CNTN4: variants seen among roughly 807,000 people sequenced by gnomAD.
CNTN4 encodes the protein contactin-4.
CNTN4 carries 77 observed loss-of-function variants against 122.5 expected under a neutral mutation model. That is an observed-to-expected ratio of 0.63 (90% CI 0.52 to 0.76). CNTN4 has a LOEUF of 0.76. CNTN4 is among the 30% of genes least tolerant of loss of function. The pLI, the probability that CNTN4 is intolerant of heterozygous loss-of-function variation, is 0.00. For missense variants in CNTN4, 1,256 were observed against 1,259.1 expected, an observed-to-expected ratio of 1.00 and a Z score of 0.04; for synonymous variants, 512 against 447.0, an observed-to-expected ratio of 1.15 and a Z score of -1.83.
At chr3:2,759,027 T>G (rs2090466804) in intron 6 of CNTN4, among the ~76,000 whole-genome samples, 1 of 152,222 alleles carries the variant, frequency 6.6e-6, no homozygotes, top group African/African-American at 2.4e-5. Context: ...ACTAATCTAC[T>G]GTCTCTGTGG....
At chr3:2,584,707 A>G (rs1313648939) in intron 4 of CNTN4, among the ~76,000 whole-genome samples, 1 of 149,948 alleles carries the variant, frequency 6.7e-6, no homozygotes, top group Non-Finnish European at 1.5e-5. Context: ...CAAAAAAAAA[A>G]AAAAAAAAAA....
intron 3 of CNTN4, among the ~76,000 whole-genome samples, chr3:2,364,661 T>G (rs888694208): frequency 1.3e-5 from 2 of 152,084 alleles, no homozygotes; most frequent in Non-Finnish European, 2.9e-5. Flanking sequence ...AATGGATACT[T>G]TATTGCACTG....
At chr3:2,623,807 C>G (rs1004582488) in intron 4 of CNTN4, among the ~76,000 whole-genome samples, 2 of 152,066 alleles carry the variant, frequency 1.3e-5, no homozygotes, top group African/African-American at 2.4e-5. Flanking sequence ...ACTAGGAAAT[C>G]CAGATCAGTC....
At chr3:2,661,134 A>G (rs1481225581) in intron 4 of CNTN4, among the ~76,000 whole-genome samples, 1 of 152,224 alleles carries the variant, frequency 6.6e-6, no homozygotes, top group Non-Finnish European at 1.5e-5. Context: ...GCCAATAGCT[A>G]CCATCTTCCA....
rs73115756 is a variant in CNTN4 at position 2,307,696 on chromosome 3, T to G, written c.-144-31482T>G. ...TGATCATGTGGCTTTTGTTCTTTAT[T>G]GTATTAATATGGTGTGCTACATTGA... is the stretch of plus-strand genomic sequence containing the variant. On this transcript the variant is annotated intron_variant, in intron 2 of 24. Coordinates refer to ENST00000418658, the MANE Select transcript of CNTN4 (RefSeq NM_175607.3). Among the ~76,000 whole-genome samples the G allele has an allele frequency of 2.8e-3, 431 of 152,308 alleles. 2 individuals carry two copies. The highest frequency in any genetic ancestry group is 9.8e-3 in the African/African-American group (406 of 41,574).
In CNTN4 at chr3:2,795,711, G is replaced by A. The variant is rs141139410; in HGVS notation, c.359-23775G>A. ...AATTTTTTGTATTTTTAGTAGAGACGTGGTTTCACCGTGTTAGCTAGAATG... is the reference window on the plus strand; with the variant it reads ...AATTTTTTGTATTTTTAGTAGAGACATGGTTTCACCGTGTTAGCTAGAATG... On this transcript the variant is annotated intron_variant, in intron 6 of 24. Transcript: ENST00000418658. 6.9e-3 allele frequency among the ~76,000 whole-genome samples: 1,042 copies of A among 151,922 alleles called. 15 individuals carry two copies. Among genetic ancestry groups the A allele is most frequent in the African/African-American group, 0.023 (936 of 41,426 alleles).
chr3:2,211,750 CG>C (rs2038630705), intron 2 of CNTN4, among the ~76,000 whole-genome samples: 1 of 152,074 alleles, frequency 6.6e-6, no homozygotes. Flanking sequence ...CCAGCCGTGA[CG>C]TGACTCATGA....
chr3:2,530,028 G>C, intron 3 of CNTN4, among the ~76,000 whole-genome samples: 1 of 152,052 alleles, frequency 6.6e-6, no homozygotes, highest in East Asian at 1.9e-4. Flanking sequence ...TGTGATGCTT[G>C]GGCTATATCA....
intron 4 of CNTN4, among the ~76,000 whole-genome samples, chr3:2,696,279 G>T (rs893643465): frequency 2.0e-5 from 3 of 152,328 alleles, no homozygotes; most frequent in African/African-American, 2.4e-5. Flanking sequence ...TAAAGGCATT[G>T]CTATGAGTTG....
chr3:2,981,015 T>C (rs1693912099), intron 13 of CNTN4, among the ~76,000 whole-genome samples: 1 of 152,154 alleles, frequency 6.6e-6, no homozygotes, highest in South Asian at 2.1e-4. Context: ...TAGTCCCAGG[T>C]AGTCTTTTCC....
chr3:2,479,959 T>A (rs1018910334), intron 3 of CNTN4, among the ~76,000 whole-genome samples: 1 of 152,016 alleles, frequency 6.6e-6, no homozygotes, highest in Admixed American at 6.5e-5. Flanking sequence ...CCAAGGGTGG[T>A]TCAACATTCA....
rs149064979 is a variant in CNTN4 at position 2,448,139 on chromosome 3, C to G, written c.-89+108906C>G. 1.6e-4 allele frequency among the ~76,000 whole-genome samples: 24 copies of G among 152,164 alleles called. No homozygotes were observed. In the East Asian group the frequency reaches 3.5e-3, roughly 22 times the overall value. On this transcript the variant is annotated intron_variant, in intron 3 of 24. Coordinates refer to ENST00000418658, the MANE Select transcript of CNTN4 (RefSeq NM_175607.3). ...AAGATCATCAAATAGTCCTGTGGTC[C>G]CCTATGATGAGGTGAGCGTAGCCAA...
At chr3:2,650,116 A>C (rs1214731742) in intron 4 of CNTN4, among the ~76,000 whole-genome samples, 1 of 149,582 alleles carries the variant, frequency 6.7e-6, no homozygotes, top group East Asian at 1.9e-4. Flanking sequence ...AAAGGAAGGA[A>C]GGAAATTTAT....
At chr3:2,394,585 G>C (rs745622335) in intron 3 of CNTN4, among the ~76,000 whole-genome samples, 3 of 152,114 alleles carry the variant, frequency 2.0e-5, no homozygotes, top group Non-Finnish European at 4.4e-5. Flanking sequence ...ATACTGGCAA[G>C]GATGTGGAGC....
intron 4 of CNTN4, among the ~76,000 whole-genome samples, chr3:2,595,096 A>C (rs1302259140): frequency 1.3e-5 from 2 of 152,208 alleles, no homozygotes; most frequent in Non-Finnish European, 2.9e-5. Context: ...GGAACAGTAC[A>C]TCCCTTGATA....
intron 2 of CNTN4, among the ~76,000 whole-genome samples, chr3:2,195,687 C>T (rs915754875): frequency 1.3e-5 from 2 of 152,146 alleles, no homozygotes; most frequent in Non-Finnish European, 1.5e-5. Context: ...ATCGGTAAGC[C>T]CACCACTGAC....
intron 4 of CNTN4, among the ~76,000 whole-genome samples, chr3:2,647,749 A>G (rs1559343943): frequency 6.6e-6 from 1 of 152,212 alleles, no homozygotes; most frequent in Non-Finnish European, 1.5e-5. Context: ...CAGGATAGGG[A>G]AAAGAATTTT....
chr3:2,675,898 T>C (rs954143868), intron 4 of CNTN4, among the ~76,000 whole-genome samples: 8 of 152,220 alleles, frequency 5.3e-5, no homozygotes, highest in Non-Finnish European at 1.2e-4. Flanking sequence ...CTAGATTTAT[T>C]ATCCTCCTTC....
intron 4 of CNTN4, among the ~76,000 whole-genome samples, chr3:2,689,035 G>C (rs554369934): frequency 6.6e-6 from 1 of 152,300 alleles, no homozygotes; most frequent in African/African-American, 2.4e-5. Context: ...AGTCTAACAC[G>C]ACAGAGAGTT....
Sources: allele counts gnomAD v4.1 joint callset (sites outside exome capture counted in the v4.1 genomes callset), GRCh38; gene constraint gnomAD v4.1.1; transcripts MANE v1.5; gene names NCBI Gene and HGNC (gene_info 2026-07-23, HGNC 2026-07-21).